ABTB3: variants seen among roughly 807,000 people sequenced by gnomAD.
The protein encoded by ABTB3 is ankyrin repeat and BTB domain containing 3.
the ABTB3 span, among the ~76,000 whole-genome samples, chr12:107,415,430 T>C: frequency 6.6e-6 from 1 of 152,158 alleles, no homozygotes; most frequent in Non-Finnish European, 1.5e-5. Flanking sequence ...CAAACTGGGC[T>C]GGGCGTGGTG....
the ABTB3 span, among the ~76,000 whole-genome samples, chr12:107,401,837 CATT>C: frequency 6.7e-6 from 1 of 150,258 alleles, no homozygotes; most frequent in Non-Finnish European, 1.5e-5. Flanking sequence ...GAATCTTTTT[CATT>C]TTAAAATCCT....
chr12:107,425,445 G>A, the ABTB3 span, among the ~76,000 whole-genome samples: 2 of 152,180 alleles, frequency 1.3e-5, no homozygotes, highest in Non-Finnish European at 2.9e-5. Context: ...AACTGTGAAT[G>A]TACTAAATGT....
the ABTB3 span, among the ~76,000 whole-genome samples, chr12:107,560,263 T>G: frequency 2.6e-5 from 4 of 152,188 alleles, no homozygotes; most frequent in South Asian, 8.3e-4. Context: ...GTGGTGTGAC[T>G]AAAACATCAA....
At chr12:107,542,682 C>G in the ABTB3 span, among the ~76,000 whole-genome samples, 7 of 152,154 alleles carry the variant, frequency 4.6e-5, no homozygotes, top group Admixed American at 1.3e-4. Flanking sequence ...ACTAATATCC[C>G]ACTGTTGACC....
chr12:107,619,894 TA>T, the ABTB3 span: 2 of 1,266,662 alleles, frequency 1.6e-6, no homozygotes, highest in Non-Finnish European at 2.1e-6. Flanking sequence ...AACTTCCAGA[TA>T]AAAACTCGCC....
chr12:107,470,515 C>T, the ABTB3 span, among the ~76,000 whole-genome samples: 3 of 152,168 alleles, frequency 2.0e-5, no homozygotes, highest in Non-Finnish European at 4.4e-5. Flanking sequence ...GCCTGGCTGT[C>T]AGCCAAGCCA....
chr12:107,555,551 C>A, the ABTB3 span, among the ~76,000 whole-genome samples: 3 of 152,180 alleles, frequency 2.0e-5, no homozygotes. Flanking sequence ...ATACCAGCTT[C>A]TCTTTATTTC....
chr12:107,433,296 CAAAAAAAAA>C, the ABTB3 span, among the ~76,000 whole-genome samples: 21 of 23,116 alleles, frequency 9.1e-4, no homozygotes, highest in African/African-American at 2.3e-3. Context: ...GACTCCGTCT[CAAAAAAAAA>C]AAAAAAAAAA....
At chr12:107,387,463 C>G in the ABTB3 span, among the ~76,000 whole-genome samples, 1 of 152,132 alleles carries the variant, frequency 6.6e-6, no homozygotes, top group African/African-American at 2.4e-5. Flanking sequence ...GTGCTGAGGG[C>G]TCAGCAGTGG....
the ABTB3 span, among the ~76,000 whole-genome samples, chr12:107,583,342 A>G: frequency 6.6e-6 from 1 of 152,210 alleles, no homozygotes; most frequent in Admixed American, 6.5e-5. Flanking sequence ...ATACTTTCTC[A>G]TAACAGCCTC....
the ABTB3 span, among the ~76,000 whole-genome samples, chr12:107,578,133 A>AT: frequency 2.6e-5 from 4 of 152,050 alleles, no homozygotes; most frequent in Non-Finnish European, 5.9e-5. Flanking sequence ...AAATAATGCT[A>AT]TTTTTTCCCC....
the ABTB3 span, among the ~76,000 whole-genome samples, chr12:107,587,790 T>A: frequency 1.3e-5 from 2 of 152,148 alleles, no homozygotes; most frequent in African/African-American, 4.8e-5. Context: ...TTAGGCTGCC[T>A]CTGGAAGGAT....
chr12:107,582,218 T>C, the ABTB3 span, among the ~76,000 whole-genome samples: 3 of 152,166 alleles, frequency 2.0e-5, no homozygotes, highest in Admixed American at 1.3e-4. Flanking sequence ...AAAGTCATAA[T>C]TGCTAGCATT....
the ABTB3 span, among the ~76,000 whole-genome samples, chr12:107,440,576 C>T: frequency 3.9e-5 from 6 of 152,140 alleles, no homozygotes; most frequent in African/African-American, 1.2e-4. Context: ...TGTTTGTTCA[C>T]GCGTTTTGAT....
the ABTB3 span, among the ~76,000 whole-genome samples, chr12:107,616,908 C>G: frequency 6.6e-6 from 1 of 152,216 alleles, no homozygotes; most frequent in African/African-American, 2.4e-5. Flanking sequence ...AGTAGCCTAG[C>G]AGCAATGAGA....
At chr12:107,552,202 GC>G in the ABTB3 span, among the ~76,000 whole-genome samples, 2 of 152,206 alleles carry the variant, frequency 1.3e-5, no homozygotes, top group Non-Finnish European at 2.9e-5. Flanking sequence ...TTGGAGTCAA[GC>G]CCTGGTCTGG....
chr12:107,331,773 C>G, the ABTB3 span, among the ~76,000 whole-genome samples: 1 of 152,184 alleles, frequency 6.6e-6, no homozygotes, highest in Non-Finnish European at 1.5e-5. Flanking sequence ...TTTGGAAGCC[C>G]TCCCCACCCT....
the ABTB3 span, among the ~76,000 whole-genome samples, chr12:107,375,814 T>C: frequency 1.3e-5 from 2 of 152,138 alleles, no homozygotes. Context: ...GCCCTAGGAA[T>C]CCTATACCCT....
At chr12:107,334,717 C>T in the ABTB3 span, among the ~76,000 whole-genome samples, 7 of 152,064 alleles carry the variant, frequency 4.6e-5, no homozygotes, top group South Asian at 2.1e-4. Flanking sequence ...AAGGTCACAG[C>T]GGGAGTGAGT....
Sources: gnomAD v4.1 joint callset for allele counts (sites outside exome capture counted in the v4.1 genomes callset) on GRCh38, gnomAD v4.1.1 for gene constraint, MANE v1.5 for transcripts, NCBI Gene and HGNC (gene_info 2026-07-23, HGNC 2026-07-21) for gene names.